IL17RD: variants seen among roughly 807,000 people sequenced by gnomAD.
IL17RD encodes the protein interleukin 17 receptor D.
IL17RD carries 52 observed loss-of-function variants against 80.5 expected under a neutral mutation model. The ratio of observed to expected loss-of-function variants is 0.65; its 90% CI spans 0.52 to 0.81. The LOEUF is 0.81. Among genes scored for constraint, IL17RD ranks in the 40% least tolerant of loss-of-function variants. IL17RD has a pLI of 0.00. For synonymous variants in IL17RD, 416 were observed against 391.8 expected (o/e 1.06, Z -0.73); for missense variants, 1,024 against 955.1 (o/e 1.07, Z -0.95).
At chr3:57,158,016 G>A (rs79397377) in intron 1 of IL17RD, among the ~76,000 whole-genome samples, 4,055 of 152,308 alleles carry the variant, frequency 0.027, 84 homozygotes, top group South Asian at 0.047. Flanking sequence ...CTGAAAAAAA[G>A]TTGTATTTAA....
chr3:57,139,421 T>C (rs1283339979), intron 1 of IL17RD, among the ~76,000 whole-genome samples: 1 of 152,198 alleles, frequency 6.6e-6, no homozygotes, highest in Non-Finnish European at 1.5e-5. Context: ...TTTTGAATTT[T>C]TGTGTAATTT....
chr3:57,104,734 T>G (rs905651751), intron 7 of IL17RD, among the ~76,000 whole-genome samples: 5 of 152,230 alleles, frequency 3.3e-5, no homozygotes, highest in African/African-American at 1.2e-4. Context: ...ATTACCAGTC[T>G]GTGTTTATAC....
chr3:57,109,803 A>G (rs1707052895), intron 4 of IL17RD, 146 bp from the exon 5 acceptor site: 3 of 833,098 alleles, frequency 3.6e-6, no homozygotes, highest in East Asian at 2.5e-5. Flanking sequence ...AGTCAGGTCT[A>G]GTTTCTGGAC....
chr3:57,133,912 A>C (rs1239935161), intron 1 of IL17RD, among the ~76,000 whole-genome samples: 1 of 152,238 alleles, frequency 6.6e-6, no homozygotes, highest in African/African-American at 2.4e-5. Context: ...CCACTTCATT[A>C]AGGCTTCCCA....
intron 10 of IL17RD, among the ~76,000 whole-genome samples, chr3:57,101,867 G>A (rs147166249): frequency 9.2e-5 from 14 of 152,302 alleles, no homozygotes; most frequent in African/African-American, 3.1e-4. Context: ...TCAGAAGGCT[G>A]TCTCATGGTG....
At chr3:57,129,905 A>G (rs201974957) in intron 1 of IL17RD, among the ~76,000 whole-genome samples, 1 of 152,158 alleles carries the variant, frequency 6.6e-6, no homozygotes, top group East Asian at 1.9e-4. Context: ...GGCTTCAAGC[A>G]TCCTTTTAAA....
rs567390589 is a variant in IL17RD at position 57,126,502 on chromosome 3, G to A, written c.127-6189C>T. ...GCAAAGGCCTGGATACAGAGAGGCC[G>A]GCAGCGGAGCAGGATCCACAGGCAG... On this transcript the variant is annotated intron_variant, in intron 1 of 12. Transcript: ENST00000296318. 7.0e-4 allele frequency among the ~76,000 whole-genome samples: 107 copies of A among 152,332 alleles called. 1 individual carries two copies. Among genetic ancestry groups the A allele is most frequent in the Admixed American group, 2.7e-3 (41 of 15,304 alleles).
chr3:57,148,502 C>T (rs1016145737), intron 1 of IL17RD, among the ~76,000 whole-genome samples: 3 of 152,122 alleles, frequency 2.0e-5, no homozygotes, highest in Non-Finnish European at 4.4e-5. Flanking sequence ...TATTTAAGAA[C>T]ACATATGTTT....
chr3:57,135,766 C>T (rs1460351928), intron 1 of IL17RD, among the ~76,000 whole-genome samples: 2 of 152,182 alleles, frequency 1.3e-5, no homozygotes, highest in African/African-American at 4.8e-5. Flanking sequence ...TTCTAAGGGT[C>T]TTATCAACTG....
chr3:57,135,316 G>T (rs1409419920), intron 1 of IL17RD, among the ~76,000 whole-genome samples: 1 of 152,178 alleles, frequency 6.6e-6, no homozygotes, highest in Non-Finnish European at 1.5e-5. Flanking sequence ...GGAGGCAGAA[G>T]GCCAGGCCAG....
At chr3:57,147,748 T>C (rs756734655) in intron 1 of IL17RD, among the ~76,000 whole-genome samples, 1 of 151,868 alleles carries the variant, frequency 6.6e-6, no homozygotes, top group Non-Finnish European at 1.5e-5. Flanking sequence ...ACTACATCAA[T>C]ACATGGAAAT....
Position 57,106,131 on chromosome 3 carries a change from C to T in IL17RD, c.574G>A (p.Asp192Asn). ...TTACAGGGTTTACAAGCTAGATTGT[C>T]CGGCTGTAACAACAGGTCACAGGCT... ...TRACDLLLQPDNLACKPFWKP... is the reference protein window; with the variant it reads ...TRACDLLLQPNNLACKPFWKP... The change falls in exon 6 of 13, where the codon GAC becomes AAC. Residue 192 changes from aspartate to asparagine, a missense_variant. Asp to Asn is a conservative substitution (Grantham distance 23, BLOSUM62 1). Transcript: ENST00000296318. 6.2e-7 allele frequency: 1 copy of T among 1,612,466 alleles called. No individual in the cohort carries two copies. Among genetic ancestry groups the T allele is most frequent in the Non-Finnish European group, 8.5e-7 (1 of 1,178,836 alleles).
intron 5 of IL17RD, among the ~76,000 whole-genome samples, chr3:57,108,509 CTTTTTT>C (rs34594516): frequency 8.1e-5 from 4 of 49,164 alleles, no homozygotes; most frequent in South Asian, 2.6e-3. Flanking sequence ...TGATACATGG[CTTTTTT>C]TTTTTTTTTT....
At position 57,103,218 on chromosome 3, in the gene IL17RD, T is replaced by C; in HGVS notation, c.814-73A>G. 4.6e-6 allele frequency: 6 copies of C among 1,309,522 alleles called. No individual in the cohort carries two copies. In the South Asian group the frequency reaches 6.4e-5, roughly 14 times the overall value. 81.1% of individuals were successfully genotyped at this position (1,309,522 alleles called of 1,614,324 possible). A position where few individuals can be genotyped will look rare whatever the true frequency, so the allele number is the denominator to read the frequency against. ...CCAGGTAAGTGGAAAAAAATGGTAA[T>C]TTCATTCATCTTTTCCATCAGTGGG... On this transcript the variant is annotated intron_variant, in intron 8 of 12. Coordinates refer to ENST00000296318, the MANE Select transcript of IL17RD (RefSeq NM_017563.5).
intron 1 of IL17RD, among the ~76,000 whole-genome samples, chr3:57,127,251 T>TATATAAAAATATATATAAAAATATATAA: frequency 2.2e-5 from 2 of 92,100 alleles, no homozygotes; most frequent in East Asian, 7.7e-4. Flanking sequence ...AATATATATA[T>TATATAAAAATATATATAAAAATATATAA]AAATATATAT....
intron 3 of IL17RD, among the ~76,000 whole-genome samples, chr3:57,113,329 G>T (rs997337219): frequency 6.6e-6 from 1 of 152,072 alleles, no homozygotes; most frequent in Non-Finnish European, 1.5e-5. Context: ...CCTCTGCCTT[G>T]TGGGTTCAAG....
intron 2 of IL17RD, among the ~76,000 whole-genome samples, chr3:57,119,221 A>G (rs1707280653): frequency 6.6e-6 from 1 of 152,064 alleles, no homozygotes; most frequent in South Asian, 2.1e-4. Flanking sequence ...GCGTGGTGGC[A>G]GGCGCCTGTA....
chr3:57,163,464 C>A, intron 1 of IL17RD, among the ~76,000 whole-genome samples: 1 of 152,046 alleles, frequency 6.6e-6, no homozygotes, highest in Non-Finnish European at 1.5e-5. Flanking sequence ...GGAAACTTCA[C>A]GAGTTTTGTA....
intron 1 of IL17RD, among the ~76,000 whole-genome samples, chr3:57,124,919 T>C (rs1242660323): frequency 6.6e-6 from 1 of 152,142 alleles, no homozygotes; most frequent in East Asian, 1.9e-4. Context: ...GCATAGAACA[T>C]GCACCCATCA....
Sources: gnomAD v4.1 joint callset for allele counts (sites outside exome capture counted in the v4.1 genomes callset) on GRCh38, gnomAD v4.1.1 for gene constraint, MANE v1.5 for transcripts, NCBI Gene and HGNC (gene_info 2026-07-23, HGNC 2026-07-21) for gene names.